The following ERAP1 variants were observed in gnomAD, a reference collection of about 807,000 sequenced individuals.
The protein encoded by ERAP1 is adipocyte-derived leucine aminopeptidase.
ERAP1 carries 86 observed loss-of-function variants against 103.7 expected under a neutral mutation model. The observed-to-expected ratio is 0.83, with a 90% CI of 0.70 to 0.99. The LOEUF (loss-of-function observed/expected upper bound fraction) is 0.99, where lower values mean the gene tolerates loss of function less well. Ranked by LOEUF, ERAP1 falls within the 50% of genes least tolerant of loss-of-function variation. ERAP1 has a pLI of 0.00. For synonymous variants in ERAP1, 398 were observed against 402.4 expected, an observed-to-expected ratio of 0.99 and a Z score of 0.13; for missense variants, 1,009 against 1,128.4, an observed-to-expected ratio of 0.89 and a Z score of 1.52.
rs1313881344 is a variant in ERAP1, at chr5:96,776,436, A to AT, written c.2785dup (p.Ile929AsnfsTer8). 1 of 1,613,922 alleles carries AT rather than the reference A, an allele frequency of 6.2e-7. No homozygotes were observed. The highest frequency in any genetic ancestry group is 1.7e-5 in the Admixed American group (1 of 59,970). Reference sequence around the variant, plus strand: ...CTTTTCACTTTGCAGCCACACTCTGATTTTATCAAAATTCTTATCCATCCA... The same window carrying AT: ...CTTTTCACTTTGCAGCCACACTCTGATTTTTATCAAAATTCTTATCCATCCA... On this transcript the variant is annotated frameshift_variant, in exon 19 of 19. Coordinates refer to ENST00000443439, the MANE Select transcript of ERAP1 (RefSeq NM_001040458.3). LOFTEE classifies it high-confidence loss of function.
intron 2 of ERAP1, among the ~76,000 whole-genome samples, chr5:96,801,328 C>T (rs1378823835): frequency 6.6e-6 from 1 of 151,720 alleles, no homozygotes; most frequent in African/African-American, 2.4e-5. Flanking sequence ...CATGGTGGTG[C>T]AGGCCTGTAG....
intron 10 of ERAP1, 49 bp from the exon 11 acceptor site, chr5:96,788,734 TAAGAA>T (rs753288211): frequency 6.2e-7 from 1 of 1,603,096 alleles, no homozygotes; most frequent in Non-Finnish European, 8.5e-7. Context: ...AACCCAACTC[TAAGAA>T]AAGAGAGAAC....
At chr5:96,837,864 G>C in the ERAP1 span, among the ~76,000 whole-genome samples, 2 of 152,204 alleles carry the variant, frequency 1.3e-5, no homozygotes, top group Non-Finnish European at 2.9e-5. Context: ...AAGGGGGACA[G>C]AGCAGGAAGA....
chr5:96,776,300 T>C lies in ERAP1; in HGVS notation c.*96A>G. ...AATGAGTTGAAGGGAAAAAAGTATC[T>C]CCAGTTGGAGCCAAAACAGCCATCT... On this transcript the variant is annotated 3_prime_UTR_variant, in exon 19 of 19. Coordinates refer to ENST00000443439, the MANE Select transcript of ERAP1 (RefSeq NM_001040458.3). 6.5e-7 allele frequency: 1 copy of C among 1,545,964 alleles called. No homozygotes were observed. The highest frequency in any genetic ancestry group is 8.7e-7 in the Non-Finnish European group (1 of 1,150,386).
chr5:96,901,983 T>C, the ERAP1 span, among the ~76,000 whole-genome samples: 1 of 152,248 alleles, frequency 6.6e-6, no homozygotes, highest in Non-Finnish European at 1.5e-5. Flanking sequence ...TTCTTTCCCA[T>C]ACAAACAGCA....
At position 96,804,448 on chromosome 5, in the gene ERAP1, G is replaced by A; in HGVS notation, c.-17-505C>T. On this transcript the variant is annotated intron_variant, in intron 1 of 18. Coordinates refer to ENST00000443439, the MANE Select transcript of ERAP1 (RefSeq NM_001040458.3). The stretch of plus-strand genomic sequence containing the variant: ...CTGGAAATCAAATGCTGACACAGTG[G>A]CAGCCACCACTAGAACGAGGTCTCC... The A allele has an allele frequency of 1.7e-5, 3 of 178,760 alleles. No homozygotes were observed. In the South Asian group the frequency reaches 3.4e-4, roughly 21 times the overall value. The allele number at this position is 178,760 out of a possible 1,614,324, so 11.1% of individuals were successfully genotyped here.
chr5:96,879,104 A>T, the ERAP1 span, among the ~76,000 whole-genome samples: 1 of 152,150 alleles, frequency 6.6e-6, no homozygotes, highest in African/African-American at 2.4e-5. Flanking sequence ...CTGTAGTCCC[A>T]GCTACTCTGG....
chr5:96,871,678 T>G, the ERAP1 span, among the ~76,000 whole-genome samples: 86 of 152,320 alleles, frequency 5.6e-4, no homozygotes, highest in African/African-American at 2.0e-3. Context: ...AAATAAAAAT[T>G]TTTAATGCTG....
chr5:96,876,117 T>A, the ERAP1 span: 3 of 152,012 alleles, frequency 2.0e-5, no homozygotes, highest in Non-Finnish European at 4.4e-5. Flanking sequence ...GTTTGTGGGG[T>A]GGATGGGCAG....
At chr5:96,853,953 G>A in the ERAP1 span, among the ~76,000 whole-genome samples, 3 of 152,068 alleles carry the variant, frequency 2.0e-5, no homozygotes, top group South Asian at 2.1e-4. Context: ...TGCCCACAGA[G>A]GAAGAAACAT....
chr5:96,893,073 T>C, the ERAP1 span, among the ~76,000 whole-genome samples: 1,379 of 152,298 alleles, frequency 9.1e-3, 23 homozygotes, highest in African/African-American at 0.031. Flanking sequence ...TTATTAATGA[T>C]GATGACAACG....
the ERAP1 span, among the ~76,000 whole-genome samples, chr5:96,832,599 T>C: frequency 1.3e-5 from 2 of 152,242 alleles, no homozygotes; most frequent in African/African-American, 4.8e-5. Flanking sequence ...AAATTCTTTC[T>C]GGGCCCCTTC....
At chr5:96,907,462 T>C in the ERAP1 span, among the ~76,000 whole-genome samples, 1 of 152,258 alleles carries the variant, frequency 6.6e-6, no homozygotes, top group Non-Finnish European at 1.5e-5. Context: ...ATATTCTTCT[T>C]AAAATTGTGG....
the ERAP1 span, among the ~76,000 whole-genome samples, chr5:96,923,693 C>CAAAAAAA: frequency 4.1e-5 from 3 of 73,722 alleles, no homozygotes; most frequent in Non-Finnish European, 8.4e-5. Flanking sequence ...GACTCTGTCT[C>CAAAAAAA]AAAAAAAAAA....
chr5:96,856,547 C>T, the ERAP1 span, among the ~76,000 whole-genome samples: 1 of 151,770 alleles, frequency 6.6e-6, no homozygotes, highest in African/African-American at 2.4e-5. Context: ...GGCAGTCATC[C>T]TGTCCTTAAG....
chr5:96,776,898 T>A (rs1484127030), intron 18 of ERAP1: 1 of 234,774 alleles, frequency 4.3e-6, no homozygotes, highest in East Asian at 1.1e-4. Context: ...AAACATGATA[T>A]CTAAAAAGCA....
the ERAP1 span, among the ~76,000 whole-genome samples, chr5:96,833,927 A>C: frequency 1.3e-5 from 2 of 152,342 alleles, no homozygotes; most frequent in East Asian, 3.9e-4. Context: ...CATTAAAAAA[A>C]TTGAATACTC....
the ERAP1 span, among the ~76,000 whole-genome samples, chr5:96,890,297 T>A: frequency 2.0e-5 from 3 of 152,166 alleles, no homozygotes; most frequent in Admixed American, 1.3e-4. Context: ...CATTAGATTC[T>A]CATAAGGAAC....
rs552431298 is a variant in ERAP1, at chr5:96,793,592, G to A, written c.1075-79C>T. 6.5e-5 allele frequency: 79 copies of A among 1,206,358 alleles called. No individual in the cohort carries two copies. In the Middle Eastern group the frequency reaches 2.5e-3, roughly 38 times the overall value. 74.7% of individuals were successfully genotyped at this position (1,206,358 alleles called of 1,614,324 possible). ...AGATGTCCAATATAAGTTTATGAAT[G>A]TTAACATATATTTACAGGACCAATA... On this transcript the variant is annotated intron_variant, in intron 6 of 18. Coordinates refer to ENST00000443439, the MANE Select transcript of ERAP1 (RefSeq NM_001040458.3).
Sources: gnomAD v4.1 joint callset for allele counts (sites outside exome capture counted in the v4.1 genomes callset) on GRCh38, gnomAD v4.1.1 for gene constraint, MANE v1.5 for transcripts, NCBI Gene and HGNC (gene_info 2026-07-23, HGNC 2026-07-21) for gene names.